The following HS3ST2 variants were observed in gnomAD, a reference collection of about 807,000 sequenced individuals.
HS3ST2 encodes the protein heparan sulfate glucosamine 3-O-sulfotransferase 2.
In HS3ST2, 17 loss-of-function variants were observed where a neutral mutation model predicts 26.3. The observed-to-expected ratio is 0.65, with a 90% CI of 0.44 to 0.97. The LOEUF is 0.97. Ranked by LOEUF, HS3ST2 falls within the 50% of genes least tolerant of loss-of-function variation. The pLI is 0.00. For missense variants in HS3ST2, 402 were observed against 501.2 expected, an observed-to-expected ratio of 0.80 and a Z score of 1.89; for synonymous variants, 237 against 219.2, an observed-to-expected ratio of 1.08 and a Z score of -0.72.
intron 1 of HS3ST2, among the ~76,000 whole-genome samples, chr16:22,878,755 G>A (rs1434361590): frequency 6.6e-6 from 1 of 152,188 alleles, no homozygotes. Flanking sequence ...CCCCGAGAGA[G>A]CAACATTTGA....
intron 1 of HS3ST2, among the ~76,000 whole-genome samples, chr16:22,827,710 CTTTTTTTT>C (rs34248118): frequency 1.8e-5 from 2 of 108,980 alleles, no homozygotes; most frequent in Admixed American, 9.5e-5. Flanking sequence ...TTCTTTCTTT[CTTTTTTTT>C]TTTTTTTTTT....
chr16:22,888,396 T>TTTTTTCTTTC (rs1902092000), intron 1 of HS3ST2, among the ~76,000 whole-genome samples: 1 of 148,380 alleles, frequency 6.7e-6, no homozygotes, highest in Non-Finnish European at 1.5e-5. Context: ...TTTTTTTCTT[T>TTTTTTCTTTC]TTTTTTTTGA....
intron 1 of HS3ST2, among the ~76,000 whole-genome samples, chr16:22,898,667 A>G (rs1202766509): frequency 6.6e-6 from 1 of 152,216 alleles, no homozygotes; most frequent in East Asian, 1.9e-4. Context: ...ATTCTATACC[A>G]AAGCCTAGAA....
At chr16:22,866,646 G>A (rs940961347) in intron 1 of HS3ST2, among the ~76,000 whole-genome samples, 20 of 151,804 alleles carry the variant, frequency 1.3e-4, no homozygotes, top group African/African-American at 4.8e-4. Flanking sequence ...ACAAAATGCA[G>A]AAAAATTAGC....
Position 22,816,256 on chromosome 16 carries a change from G to A in HS3ST2, c.485+1161G>A, listed in dbSNP as rs147128867. Among the ~76,000 whole-genome samples the A allele has an allele frequency of 5.0e-3, 766 of 152,302 alleles. 7 individuals carry two copies. Among genetic ancestry groups the A allele is most frequent in the African/African-American group, 0.017 (726 of 41,564 alleles). Reference sequence around the variant, plus strand: ...TCTGCATAGTAATGACGTTGGGGAGGGGTAACATGGTAGCTGACAGAGTAG... The same window carrying A: ...TCTGCATAGTAATGACGTTGGGGAGAGGTAACATGGTAGCTGACAGAGTAG... On this transcript the variant is annotated intron_variant, in intron 1 of 1. Coordinates refer to ENST00000261374, the MANE Select transcript of HS3ST2 (RefSeq NM_006043.2).
At chr16:22,820,276 C>A (rs746997241) in intron 1 of HS3ST2, among the ~76,000 whole-genome samples, 2 of 152,132 alleles carry the variant, frequency 1.3e-5, no homozygotes, top group Admixed American at 6.5e-5. Flanking sequence ...GAGGAACATT[C>A]GGAATGGGCA....
At chr16:22,845,704 G>A (rs1019120073) in intron 1 of HS3ST2, among the ~76,000 whole-genome samples, 10 of 152,002 alleles carry the variant, frequency 6.6e-5, no homozygotes, top group Admixed American at 2.0e-4. Context: ...ATGTTAGGTC[G>A]GGCTACTTTG....
intron 1 of HS3ST2, among the ~76,000 whole-genome samples, chr16:22,907,171 T>C (rs571022132): frequency 6.6e-6 from 1 of 152,194 alleles, no homozygotes; most frequent in Non-Finnish European, 1.5e-5. Flanking sequence ...AAAACACATA[T>C]GAAAGGGCAG....
At chr16:22,897,105 G>T (rs1165953744) in intron 1 of HS3ST2, among the ~76,000 whole-genome samples, 1 of 152,214 alleles carries the variant, frequency 6.6e-6, no homozygotes, top group East Asian at 1.9e-4. Flanking sequence ...CACCACGCTA[G>T]CCTTGTCTTT....
intron 1 of HS3ST2, 132 bp downstream of exon 1, chr16:22,815,227 T>C (rs1900846331): frequency 2.5e-6 from 3 of 1,196,378 alleles, no homozygotes; most frequent in Non-Finnish European, 3.5e-6. Flanking sequence ...CACAGGGCCA[T>C]GGGGGGCTAT....
rs114781582 is a variant in HS3ST2, at chr16:22,893,340, C to T, written c.486-21604C>T. 9.0e-3 allele frequency among the ~76,000 whole-genome samples: 1,377 copies of T among 152,318 alleles called. 24 individuals are homozygous for T. The highest frequency in any genetic ancestry group is 0.031 in the African/African-American group (1,291 of 41,560). Reference sequence around the variant, plus strand: ...ATATAGCTATGCCTACCACAAGGCTCTCAATAAATGTTAGCTATTGGTATT... The same window carrying T: ...ATATAGCTATGCCTACCACAAGGCTTTCAATAAATGTTAGCTATTGGTATT... On this transcript the variant is annotated intron_variant, in intron 1 of 1. Coordinates refer to ENST00000261374, the MANE Select transcript of HS3ST2 (RefSeq NM_006043.2).
chr16:22,898,447 C>G (rs1009919452), intron 1 of HS3ST2, among the ~76,000 whole-genome samples: 11 of 152,268 alleles, frequency 7.2e-5, no homozygotes, highest in African/African-American at 2.6e-4. Context: ...ACTTCAGAGA[C>G]TGACATTTGA....
intron 1 of HS3ST2, chr16:22,854,541 T>C (rs1214727755): frequency 6.6e-6 from 1 of 152,154 alleles, no homozygotes; most frequent in Non-Finnish European, 1.5e-5. Flanking sequence ...CACTTCCCTC[T>C]ATCCTTTTCC....
chr16:22,885,437 T>C (rs1248979180), intron 1 of HS3ST2, among the ~76,000 whole-genome samples: 2 of 151,528 alleles, frequency 1.3e-5, no homozygotes, highest in East Asian at 1.9e-4. Flanking sequence ...TCCCATTTAG[T>C]CCTCATTTTT....
chr16:22,908,546 A>G (rs1470508600), intron 1 of HS3ST2, among the ~76,000 whole-genome samples: 4 of 152,140 alleles, frequency 2.6e-5, no homozygotes, highest in Non-Finnish European at 5.9e-5. Flanking sequence ...TCTGGTGAGG[A>G]CCTTCTTGCT....
At chr16:22,847,000 T>A (rs1326472085) in intron 1 of HS3ST2, among the ~76,000 whole-genome samples, 1 of 152,094 alleles carries the variant, frequency 6.6e-6, no homozygotes, top group Non-Finnish European at 1.5e-5. Context: ...TTATTTTAGG[T>A]TAGGGGTACA....
chr16:22,897,371 A>G (rs1373540817), intron 1 of HS3ST2, among the ~76,000 whole-genome samples: 1 of 152,164 alleles, frequency 6.6e-6, no homozygotes, highest in Non-Finnish European at 1.5e-5. Context: ...GGTGCTCAGC[A>G]AATATTTGCT....
At chr16:22,847,676 C>T (rs1418043911) in intron 1 of HS3ST2, among the ~76,000 whole-genome samples, 1 of 150,748 alleles carries the variant, frequency 6.6e-6, no homozygotes, top group Admixed American at 6.6e-5. Context: ...TTTAAAGGAG[C>T]TGTGCGAAGG....
chr16:22,912,365 G>A (rs1296696513), intron 1 of HS3ST2, among the ~76,000 whole-genome samples: 1 of 152,242 alleles, frequency 6.6e-6, no homozygotes, highest in Non-Finnish European at 1.5e-5. Context: ...AGGGTATTGG[G>A]TGGAGATAGT....
Sources: gnomAD v4.1 joint callset for allele counts (sites outside exome capture counted in the v4.1 genomes callset) on GRCh38, gnomAD v4.1.1 for gene constraint, MANE v1.5 for transcripts, NCBI Gene and HGNC (gene_info 2026-07-23, HGNC 2026-07-21) for gene names.